MYOZ2: variants seen among roughly 807,000 people sequenced by gnomAD.
MYOZ2 encodes myozenin 2.
A neutral mutation model predicts 25.4 loss-of-function variants in MYOZ2; 19 were observed. That is an observed-to-expected ratio of 0.75 (90% CI 0.52 to 1.10). MYOZ2 has a LOEUF of 1.10. MYOZ2 is among the 50% of genes least tolerant of loss of function. MYOZ2 has a pLI of 0.00. For synonymous variants in MYOZ2, 92 were observed against 106.9 expected (o/e 0.86, Z 0.86); for missense variants, 270 against 317.9 (o/e 0.85, Z 1.15).
In MYOZ2 at chr4:119,145,540, GTGTGTGTGTT is replaced by G. The variant is rs762053271; in HGVS notation, c.77-5330_77-5321del. On this transcript the variant is annotated intron_variant, in intron 2 of 5. Transcript: ENST00000307128. The stretch of plus-strand genomic sequence containing the variant: ...TGTGTGTGTGTGTGTGTGTGTGTGT[GTGTGTGTGTT>G]TTTGGTAGAGACTTGGTTTCACCAT... Among the ~76,000 whole-genome samples, 247 of 142,286 alleles carry G rather than the reference GTGTGTGTGTT, an allele frequency of 1.7e-3. 1 individual carries two copies. Among genetic ancestry groups the G allele is most frequent in the South Asian group, 0.01 (43 of 4,220 alleles). 93.3% of individuals were successfully genotyped at this position (142,286 alleles called of 152,430 possible).
chr4:119,152,047 T>G (rs1023251494), intron 3 of MYOZ2, among the ~76,000 whole-genome samples: 2 of 152,158 alleles, frequency 1.3e-5, no homozygotes, highest in African/African-American at 4.8e-5. Context: ...TCTATTTTCC[T>G]TGTTATGTTT....
chr4:119,150,862 T>C lies in MYOZ2; in HGVS notation c.77-10T>C, dbSNP rs1741431324. On this transcript the variant is annotated splice_polypyrimidine_tract_variant and intron_variant, in intron 2 of 5. Transcript: ENST00000307128. ...TTGGGATTTTTACTCATATGAATATTGTTTTACAGATGTTGATGGCATGGA... is the reference window on the plus strand; with the variant it reads ...TTGGGATTTTTACTCATATGAATATCGTTTTACAGATGTTGATGGCATGGA... The C allele has an allele frequency of 2.5e-6, 4 of 1,612,684 alleles. No homozygotes were observed. In the East Asian group the frequency reaches 8.9e-5, roughly 36 times the overall value.
At chr4:119,142,909 C>T (rs922698431) in intron 2 of MYOZ2, among the ~76,000 whole-genome samples, 4 of 152,098 alleles carry the variant, frequency 2.6e-5, no homozygotes, top group African/African-American at 9.7e-5. Flanking sequence ...TGTTGCACTC[C>T]ATTTTGTGCT....
chr4:119,162,639 T>C (rs1741737736), intron 4 of MYOZ2, among the ~76,000 whole-genome samples: 1 of 152,240 alleles, frequency 6.6e-6, no homozygotes, highest in Admixed American at 6.5e-5. Context: ...TGAGACTCAC[T>C]GAAGCCAGAC....
chr4:119,156,320 G>C (rs149779894), intron 3 of MYOZ2, among the ~76,000 whole-genome samples: 1 of 151,348 alleles, frequency 6.6e-6, no homozygotes, highest in Non-Finnish European at 1.5e-5. Context: ...TATGATCAAA[G>C]GTAGAAAAGC....
At chr4:119,175,217 T>A (rs1348177316) in intron 5 of MYOZ2, among the ~76,000 whole-genome samples, 1 of 151,936 alleles carries the variant, frequency 6.6e-6, no homozygotes, top group East Asian at 1.9e-4. Flanking sequence ...AAGAAAATGA[T>A]CTACAAATCG....
chr4:119,170,010 TATACAC>T (rs1474957799), intron 5 of MYOZ2, among the ~76,000 whole-genome samples: 1 of 152,190 alleles, frequency 6.6e-6, no homozygotes, highest in Non-Finnish European at 1.5e-5. Flanking sequence ...GTGGTGGTGA[TATACAC>T]ATAACATAAA....
chr4:119,176,912 C>T (rs1291960577), intron 5 of MYOZ2, among the ~76,000 whole-genome samples: 2 of 152,164 alleles, frequency 1.3e-5, no homozygotes, highest in Admixed American at 1.3e-4. Context: ...TTAGGTTGTG[C>T]TCTAAGATTC....
At chr4:119,175,692 C>T (rs191417632) in intron 5 of MYOZ2, among the ~76,000 whole-genome samples, 1 of 151,662 alleles carries the variant, frequency 6.6e-6, no homozygotes, top group Non-Finnish European at 1.5e-5. Context: ...ACAGAGGTTG[C>T]TGTGAGTAGA....
At chr4:119,160,676 T>C (rs1271576681) in intron 4 of MYOZ2, among the ~76,000 whole-genome samples, 1 of 152,036 alleles carries the variant, frequency 6.6e-6, no homozygotes, top group Non-Finnish European at 1.5e-5. Flanking sequence ...AAATGGTATA[T>C]TCAACACACT....
chr4:119,176,432 A>G (rs1742073118), intron 5 of MYOZ2, among the ~76,000 whole-genome samples: 1 of 152,300 alleles, frequency 6.6e-6, no homozygotes, highest in South Asian at 2.1e-4. Context: ...CATGTTGGCC[A>G]GGCTGGTCTT....
chr4:119,147,255 C>T (rs1477480071), intron 2 of MYOZ2, among the ~76,000 whole-genome samples: 1 of 151,490 alleles, frequency 6.6e-6, no homozygotes, highest in Non-Finnish European at 1.5e-5. Context: ...TTCTATTTGT[C>T]ATCTCTGTTT....
At chr4:119,140,812 T>G (rs1404524219) in intron 2 of MYOZ2, among the ~76,000 whole-genome samples, 1 of 152,236 alleles carries the variant, frequency 6.6e-6, no homozygotes, top group Non-Finnish European at 1.5e-5. Flanking sequence ...GTTTATAGAT[T>G]TATACAGTTT....
chr4:119,175,413 A>C (rs973903502), intron 5 of MYOZ2, among the ~76,000 whole-genome samples: 4 of 152,176 alleles, frequency 2.6e-5, no homozygotes, highest in African/African-American at 9.7e-5. Flanking sequence ...TTTTGCTTAA[A>C]TCTAGAAATG....
intron 2 of MYOZ2, among the ~76,000 whole-genome samples, chr4:119,149,212 A>T (rs1408065829): frequency 6.6e-6 from 1 of 152,162 alleles, no homozygotes; most frequent in Non-Finnish European, 1.5e-5. Flanking sequence ...TCAGACTCCC[A>T]CGTAGTCTTC....
Position 119,187,000 on chromosome 4 carries a change from T to C in MYOZ2, c.*800T>C, listed in dbSNP as rs1742305261. Reference sequence around the variant, plus strand: ...AGAACAAATAAAGTACACCGTAATATACATATAAATACATTCATGTTTGTG... The same window carrying C: ...AGAACAAATAAAGTACACCGTAATACACATATAAATACATTCATGTTTGTG... On this transcript the variant is annotated 3_prime_UTR_variant, in exon 6 of 6. Coordinates refer to ENST00000307128, the MANE Select transcript of MYOZ2 (RefSeq NM_016599.5). The C allele has an allele frequency of 6.6e-6, 1 of 152,156 alleles. No individual in the cohort carries two copies. The highest frequency in any genetic ancestry group is 2.1e-4 in the South Asian group (1 of 4,830). 9.4% of individuals were successfully genotyped at this position (152,156 alleles called of 1,614,324 possible).
At chr4:119,140,294 T>C (rs1217655296) in intron 2 of MYOZ2, among the ~76,000 whole-genome samples, 1 of 152,216 alleles carries the variant, frequency 6.6e-6, no homozygotes, top group Non-Finnish European at 1.5e-5. Context: ...CTTTTACTTC[T>C]CTTGTAGGAG....
intron 4 of MYOZ2, among the ~76,000 whole-genome samples, chr4:119,160,549 T>C (rs1053781456): frequency 1.3e-5 from 2 of 152,170 alleles, no homozygotes; most frequent in Non-Finnish European, 2.9e-5. Context: ...GTGTATATAA[T>C]TCAACATCAT....
intron 3 of MYOZ2, among the ~76,000 whole-genome samples, chr4:119,157,310 G>T (rs979697469): frequency 6.6e-5 from 10 of 152,018 alleles, no homozygotes; most frequent in African/African-American, 2.4e-4. Flanking sequence ...AACCTACTAC[G>T]ATGTCTATTT....
Sources: gnomAD v4.1 joint callset for allele counts (sites outside exome capture counted in the v4.1 genomes callset) on GRCh38, gnomAD v4.1.1 for gene constraint, MANE v1.5 for transcripts, NCBI Gene and HGNC (gene_info 2026-07-23, HGNC 2026-07-21) for gene names.